Variants in ZNF124 observed in about 807,000 individuals in gnomAD.
ZNF124 encodes zinc finger protein HZF-16.
In ZNF124, 25 loss-of-function variants were observed where a neutral mutation model predicts 26.6. The ratio of observed to expected loss-of-function variants is 0.94; its 90% CI spans 0.68 to 1.31. The LOEUF (loss-of-function observed/expected upper bound fraction) is 1.31. Among genes scored for constraint, ZNF124 ranks in the 40% most tolerant of loss-of-function variants. ZNF124 has a pLI of 0.00. For synonymous variants in ZNF124, 129 were observed against 133.3 expected (o/e 0.97, Z 0.22); for missense variants, 444 against 422.2 (o/e 1.05, Z -0.45).
In ZNF124 at chr1:247,157,122, C is replaced by T. The variant is rs201082446; in HGVS notation, c.500G>A (p.Arg167Lys). 2.6e-4 allele frequency: 412 copies of T among 1,613,752 alleles called. No individual in the cohort carries two copies. Among genetic ancestry groups the T allele is most frequent in the Admixed American group, 6.0e-4 (36 of 59,972 alleles). The change falls in exon 4 of 4, where the codon AGA becomes AAA. Residue 167 changes from arginine (R) to lysine (K), a missense_variant. Coordinates refer to ENST00000543802, the MANE Select transcript of ZNF124 (RefSeq NM_001297568.2). ...TTCTCCAGTGTGAATCCTTTTATGT[C>T]TATTAAGAGAACGGGAAAAACCTAA... ...KALGFSRSLN[R>K]HKRIHTGEKR...
At chr1:247,153,661 A>G (rs1673010597), downstream of ZNF124, among the ~76,000 whole-genome samples, 1 of 152,178 alleles carries the variant, frequency 6.6e-6, no homozygotes, top group Admixed American at 6.5e-5. Context: ...TGTGTGATTA[A>G]GGGAAAGAGT....
chr1:247,162,633 AAGC>A (rs1030204897), intron 1 of ZNF124, among the ~76,000 whole-genome samples: 7 of 142,570 alleles, frequency 4.9e-5, no homozygotes, highest in Non-Finnish European at 1.0e-4. Flanking sequence ...AAAAAAAAAA[AAGC>A]AGGGATTACT....
chr1:247,138,736 A>C (rs1672551815), intron 3 of ZNF124: 2 of 398,522 alleles, frequency 5.0e-6, no homozygotes, highest in Non-Finnish European at 8.8e-6. Flanking sequence ...ACCCATAAGC[A>C]CATCTTCATG....
In ZNF124 at chr1:247,158,993, G is replaced by A. The variant is rs1303672901; in HGVS notation, c.218+13C>T. 1 of 1,611,260 alleles carries A rather than the reference G, an allele frequency of 6.2e-7. No individual in the cohort carries two copies. Among genetic ancestry groups the A allele is most frequent in the East Asian group, 2.2e-5 (1 of 44,862 alleles). On this transcript the variant is annotated intron_variant, in intron 3 of 3. Coordinates refer to ENST00000543802, the MANE Select transcript of ZNF124 (RefSeq NM_001297568.2). Reference sequence around the variant, plus strand: ...CCCAAGGGGGACTGCTTCCTCTTGTGAGGGCAAATTACCTTAGATTTCTTG... The same window carrying A: ...CCCAAGGGGGACTGCTTCCTCTTGTAAGGGCAAATTACCTTAGATTTCTTG...
At chr1:247,136,968 G>C (rs752209863) in intron 3 of ZNF124, among the ~76,000 whole-genome samples, 2 of 151,542 alleles carry the variant, frequency 1.3e-5, no homozygotes, top group Admixed American at 6.6e-5. Flanking sequence ...AAATTATATG[G>C]AGTCAAAGAA....
intron 1 of ZNF124, among the ~76,000 whole-genome samples, chr1:247,167,996 G>C (rs1013962862): frequency 6.6e-6 from 1 of 152,154 alleles, no homozygotes; most frequent in African/African-American, 2.4e-5. Flanking sequence ...ACCATAATGA[G>C]ATACCACCTT....
intron 3 of ZNF124, among the ~76,000 whole-genome samples, chr1:247,131,236 C>T (rs1040746400): frequency 2.0e-5 from 3 of 152,150 alleles, no homozygotes; most frequent in Non-Finnish European, 2.9e-5. Flanking sequence ...CCTCCTCCTC[C>T]AGCCCAGGGA....
chr1:247,125,925 G>A (rs1332625709), intron 3 of ZNF124, among the ~76,000 whole-genome samples: 1 of 151,878 alleles, frequency 6.6e-6, no homozygotes, highest in Non-Finnish European at 1.5e-5. Flanking sequence ...TTTTCACTGG[G>A]GAAAAAAAGT....
chr1:247,162,629 AAAAAAGC>A (rs971990742), intron 1 of ZNF124, among the ~76,000 whole-genome samples: 5 of 151,236 alleles, frequency 3.3e-5, no homozygotes, highest in African/African-American at 1.2e-4. Flanking sequence ...AAAAAAAAAA[AAAAAAGC>A]AGGGATTACT....
rs1310488727 is a variant in ZNF124, at chr1:247,155,314, C to CTACAAA, written c.*1246_*1251dup. On this transcript the variant is annotated 3_prime_UTR_variant, in exon 4 of 4. Transcript: ENST00000543802. ...TAATTAAACTACACAGAAGTTAAAC[C>CTACAAA]TACAAATACATTTCACACATCTACT... 6.6e-6 allele frequency among the ~76,000 whole-genome samples: 1 copy of CTACAAA among 151,954 alleles called. No homozygotes were observed. Among genetic ancestry groups the CTACAAA allele is most frequent in the Non-Finnish European group, 1.5e-5 (1 of 67,998 alleles).
chr1:247,136,353 A>G (rs1357104816), intron 3 of ZNF124, among the ~76,000 whole-genome samples: 1 of 152,232 alleles, frequency 6.6e-6, no homozygotes, highest in Non-Finnish European at 1.5e-5. Context: ...TTACACCAAT[A>G]GGCAAGCAGA....
intron 3 of ZNF124, chr1:247,138,528 G>A (rs1005394853): frequency 6.3e-5 from 23 of 364,608 alleles, no homozygotes; most frequent in African/African-American, 3.3e-4. Flanking sequence ...AAACCACCGC[G>A]GCACATGTAT....
At chr1:247,152,839 A>G (rs1672982745), downstream of ZNF124, among the ~76,000 whole-genome samples, 1 of 152,194 alleles carries the variant, frequency 6.6e-6, no homozygotes, top group Admixed American at 6.5e-5. Context: ...AACATATACA[A>G]CCCATGTACT....
intron 3 of ZNF124, among the ~76,000 whole-genome samples, chr1:247,128,578 T>C (rs1025628356): frequency 2.7e-5 from 4 of 150,514 alleles, no homozygotes; most frequent in African/African-American, 7.3e-5. Flanking sequence ...TGGGATACTC[T>C]TCTATACTCT....
In ZNF124 at chr1:247,159,796, C is replaced by T. The variant is rs1416231350; in HGVS notation, c.48G>A (p.Glu16=). The T allele has an allele frequency of 1.2e-6, 2 of 1,612,270 alleles. No homozygotes were observed. Among genetic ancestry groups the T allele is most frequent in the Middle Eastern group, 1.7e-4 (1 of 6,054 alleles). Residue 16 remains glutamate (E), a synonymous_variant, in exon 2 of 4, where the codon GAG becomes GAA. Coordinates refer to ENST00000543802, the MANE Select transcript of ZNF124 (RefSeq NM_001297568.2). ...CCTGGGTGAAGTTCACAGCCACATCCTCAAAGGCAACCGAGTTCTAAAATA... is the reference window on the plus strand; with the variant it reads ...CCTGGGTGAAGTTCACAGCCACATCTTCAAAGGCAACCGAGTTCTAAAATA... ...GSWEMNSVAF[E]DVAVNFTQEE...
chr1:247,143,421 G>A (rs552482554), intron 3 of ZNF124, among the ~76,000 whole-genome samples: 15 of 152,138 alleles, frequency 9.9e-5, no homozygotes, highest in Admixed American at 2.6e-4. Context: ...ATTTGACCCC[G>A]GAAGGTGACG....
chr1:247,136,026 C>T (rs180932632), intron 3 of ZNF124, among the ~76,000 whole-genome samples: 3 of 152,106 alleles, frequency 2.0e-5, no homozygotes, highest in African/African-American at 7.2e-5. Context: ...TGGAACATAT[C>T]TCAAAATAAT....
At position 247,155,888 on chromosome 1, in the gene ZNF124, ATT is replaced by A. The variant is rs35204815; in HGVS notation, c.*676_*677del. 1.4e-4 allele frequency: 101 copies of A among 742,836 alleles called. No homozygotes were observed. The highest frequency in any genetic ancestry group is 2.8e-4 in the African/African-American group (14 of 50,460). The allele number at this position is 742,836 out of a possible 1,614,324, so 46.0% of individuals were successfully genotyped here. On this transcript the variant is annotated 3_prime_UTR_variant, in exon 4 of 4. Coordinates refer to ENST00000543802, the MANE Select transcript of ZNF124 (RefSeq NM_001297568.2). ...AAAAAAAAAAAAAAGTCTCACCTCA[ATT>A]TTTTTTTTTTCAAAAGAAGTGAAAA...
At chr1:247,128,825 A>G (rs2103098930) in intron 3 of ZNF124, among the ~76,000 whole-genome samples, 1 of 150,424 alleles carries the variant, frequency 6.6e-6, no homozygotes, top group Middle Eastern at 3.4e-3. Flanking sequence ...TTTGGGGCAC[A>G]GTGGGGACAC....
Sources: allele counts gnomAD v4.1 joint callset (sites outside exome capture counted in the v4.1 genomes callset), GRCh38; gene constraint gnomAD v4.1.1; transcripts MANE v1.5; gene names NCBI Gene and HGNC (gene_info 2026-07-23, HGNC 2026-07-21).